The following CHD7 variants were observed in gnomAD, a reference collection of about 807,000 sequenced individuals.
CHD7 encodes chromodomain helicase DNA binding protein 7.
In CHD7, 24 loss-of-function variants were observed where a neutral mutation model predicts 307.3. The ratio of observed to expected loss-of-function variants is 0.08; its 90% CI spans 0.06 to 0.11. CHD7 has a LOEUF of 0.11. Ranked by LOEUF, CHD7 falls within the 10% of genes least tolerant of loss-of-function variation. CHD7 has a pLI of 1.00. For synonymous variants in CHD7, 1,363 were observed against 1,349.9 expected (o/e 1.01, Z -0.21); for missense variants, 3,106 against 3,727.1 (o/e 0.83, Z 4.34).
intron 14 of CHD7, among the ~76,000 whole-genome samples, chr8:60,829,687 ATT>A (rs1256845602): frequency 2.6e-5 from 4 of 152,346 alleles, no homozygotes; most frequent in Non-Finnish European, 5.9e-5. Context: ...TGTGTGCTGT[ATT>A]TGAAATAAAT....
intron 2 of CHD7, among the ~76,000 whole-genome samples, chr8:60,748,757 A>G (rs1019476950): frequency 4.6e-5 from 7 of 152,178 alleles, no homozygotes; most frequent in Non-Finnish European, 1.0e-4. Flanking sequence ...TTCTAGTTGA[A>G]TTTTTAGGAT....
At chr8:60,681,797 A>AT (rs900049226) in intron 1 of CHD7, among the ~76,000 whole-genome samples, 2 of 151,702 alleles carry the variant, frequency 1.3e-5, no homozygotes, top group African/African-American at 4.8e-5. Flanking sequence ...ATATTTTCTA[A>AT]TTTTTTCTCC....
chr8:60,687,599 T>C (rs908626972), intron 1 of CHD7, among the ~76,000 whole-genome samples: 4 of 152,156 alleles, frequency 2.6e-5, no homozygotes, highest in African/African-American at 9.7e-5. Context: ...GTTGGGCCAA[T>C]CAAGTAAAAT....
chr8:60,740,528 G>A (rs1469731411), intron 1 of CHD7, among the ~76,000 whole-genome samples: 3 of 152,158 alleles, frequency 2.0e-5, no homozygotes, highest in Non-Finnish European at 4.4e-5. Flanking sequence ...GAAATTGGTC[G>A]TCTTGGACAA....
Position 60,836,820 on chromosome 8 carries a change from C to T in CHD7, c.3993C>T (p.Tyr1331=). The T allele has an allele frequency of 3.1e-6, 5 of 1,613,104 alleles. No individual in the cohort carries two copies. Among genetic ancestry groups the T allele is most frequent in the Non-Finnish European group, 4.2e-6 (5 of 1,179,348 alleles). ...ILEDYLIQRR[Y]PYERIDGRVR... ...TGTTCACACTGATGTTTTCTAGGTA[C>T]CCATATGAAAGGATCGACGGCCGAG... The change falls in exon 17 of 38, where the codon TAC becomes TAT. Residue 1331 remains tyrosine (Y), a synonymous_variant. Coordinates refer to ENST00000423902, the MANE Select transcript of CHD7 (RefSeq NM_017780.4).
At chr8:60,783,444 C>G (rs925183793) in intron 3 of CHD7, among the ~76,000 whole-genome samples, 2 of 152,190 alleles carry the variant, frequency 1.3e-5, no homozygotes, top group African/African-American at 4.8e-5. Flanking sequence ...GTGCAAGCCT[C>G]ATAGGCTTGC....
intron 25 of CHD7, among the ~76,000 whole-genome samples, chr8:60,849,870 T>C (rs919943048): frequency 2.0e-5 from 3 of 152,220 alleles, no homozygotes; most frequent in African/African-American, 7.2e-5. Context: ...GCAGCCACAT[T>C]TTGTGAGCTC....
chr8:60,760,137 T>C (rs1810106426), intron 2 of CHD7, among the ~76,000 whole-genome samples: 1 of 152,182 alleles, frequency 6.6e-6, no homozygotes, highest in South Asian at 2.1e-4. Context: ...ATCTGAAATA[T>C]ACATATACTC....
At chr8:60,696,538 A>G (rs1806479992) in intron 1 of CHD7, among the ~76,000 whole-genome samples, 1 of 152,236 alleles carries the variant, frequency 6.6e-6, no homozygotes, top group Non-Finnish European at 1.5e-5. Context: ...GATTAATGCA[A>G]CAGTGCATCT....
At chr8:60,718,168 G>A (rs555412002) in intron 1 of CHD7, among the ~76,000 whole-genome samples, 3 of 150,284 alleles carry the variant, frequency 2.0e-5, no homozygotes, top group South Asian at 4.3e-4. Context: ...GTGTATGTCT[G>A]TCTTAGTTTT....
At chr8:60,772,914 C>T (rs1453942031) in intron 2 of CHD7, among the ~76,000 whole-genome samples, 1 of 152,208 alleles carries the variant, frequency 6.6e-6, no homozygotes. Context: ...TCTCAGATTC[C>T]TCTAATGGGC....
chr8:60,680,792 C>T (rs906964843), intron 1 of CHD7, among the ~76,000 whole-genome samples: 2 of 152,226 alleles, frequency 1.3e-5, no homozygotes, highest in Admixed American at 6.5e-5. Flanking sequence ...GAATTAGATA[C>T]ACTATCCAGC....
chr8:60,794,894 A>G (rs1286834364), intron 3 of CHD7, 92 bp from the exon 4 acceptor site: 1 of 1,198,542 alleles, frequency 8.3e-7, no homozygotes, highest in Admixed American at 2.4e-5. Context: ...ATCAGTTGTC[A>G]TTGATACTTT....
chr8:60,732,715 AG>A (rs1270175389), intron 1 of CHD7, among the ~76,000 whole-genome samples: 1 of 152,198 alleles, frequency 6.6e-6, no homozygotes, highest in African/African-American at 2.4e-5. Context: ...TATAATATTA[AG>A]CAAGATACAT....
chr8:60,679,178 G>A (rs892128597), intron 1 of CHD7, 96 bp downstream of exon 1: 9 of 152,842 alleles, frequency 5.9e-5, no homozygotes, highest in African/African-American at 1.9e-4. Flanking sequence ...CGCGCTAGGA[G>A]TTGGGAGCGA....
intron 1 of CHD7, among the ~76,000 whole-genome samples, chr8:60,698,622 A>G (rs764272041): frequency 3.9e-5 from 6 of 152,174 alleles, no homozygotes; most frequent in Non-Finnish European, 7.3e-5. Context: ...CCCTTCCTCA[A>G]TGCCTGGCAT....
intron 1 of CHD7, among the ~76,000 whole-genome samples, chr8:60,681,687 G>A (rs140157820): frequency 1.3e-5 from 2 of 152,202 alleles, no homozygotes; most frequent in Non-Finnish European, 2.9e-5. Flanking sequence ...CTGATAAAAG[G>A]ACATAATGGA....
chr8:60,849,705 C>T (rs1004616364), intron 25 of CHD7, among the ~76,000 whole-genome samples: 8 of 152,092 alleles, frequency 5.3e-5, no homozygotes, highest in South Asian at 2.1e-4. Context: ...CTGGAGGTCG[C>T]GGAGGTATTC....
intron 3 of CHD7, among the ~76,000 whole-genome samples, chr8:60,794,676 C>A (rs1430002448): frequency 3.9e-5 from 6 of 152,138 alleles, no homozygotes; most frequent in Admixed American, 3.9e-4. Flanking sequence ...AATTCGATAG[C>A]AAAACTACTT....
Sources: gnomAD v4.1 joint callset for allele counts (sites outside exome capture counted in the v4.1 genomes callset) on GRCh38, gnomAD v4.1.1 for gene constraint, MANE v1.5 for transcripts, NCBI Gene and HGNC (gene_info 2026-07-23, HGNC 2026-07-21) for gene names.